Variants in GLIS3 observed in about 807,000 individuals in gnomAD.
GLIS3 encodes the protein GLIS family zinc finger 3.
In GLIS3, 53 loss-of-function variants were observed where a neutral mutation model predicts 78.6. The ratio of observed to expected loss-of-function variants is 0.67; its 90% CI spans 0.54 to 0.85. The LOEUF is 0.85. GLIS3 is among the 40% of genes least tolerant of loss of function. The pLI, the probability that GLIS3 is intolerant of heterozygous loss-of-function variation, is 0.00. For missense variants in GLIS3, 1,703 were observed against 1,231.1 expected (o/e 1.38, Z -5.74); for synonymous variants, 684 against 509.9 (o/e 1.34, Z -4.60).
intron 2 of GLIS3, among the ~76,000 whole-genome samples, chr9:4,155,409 T>C (rs1462170203): frequency 1.3e-5 from 2 of 152,244 alleles, no homozygotes; most frequent in East Asian, 1.9e-4. Flanking sequence ...GCTCGTGACC[T>C]GGCCGTGGCG....
At chr9:4,279,759 C>T (rs1314779995) in intron 2 of GLIS3, among the ~76,000 whole-genome samples, 1 of 151,818 alleles carries the variant, frequency 6.6e-6, no homozygotes, top group East Asian at 1.9e-4. Context: ...AATACTGATA[C>T]TAGTTTAAAA....
chr9:4,077,155 C>T (rs1349626909), intron 4 of GLIS3, among the ~76,000 whole-genome samples: 2 of 152,142 alleles, frequency 1.3e-5, no homozygotes, highest in Non-Finnish European at 2.9e-5. Flanking sequence ...TATTATTGAA[C>T]ATTTATGATT....
intron 2 of GLIS3, among the ~76,000 whole-genome samples, chr9:4,244,122 T>C (rs544223975): frequency 6.6e-6 from 1 of 152,338 alleles, no homozygotes; most frequent in Admixed American, 6.5e-5. Context: ...CCATAAATCC[T>C]TCAGGGCCAC....
At chr9:4,380,895 C>A in the GLIS3 span, among the ~76,000 whole-genome samples, 1 of 152,076 alleles carries the variant, frequency 6.6e-6, no homozygotes. Flanking sequence ...TAAGGTGGAT[C>A]CACAGGAGCT....
At chr9:4,273,589 T>TA (rs1826714495) in intron 2 of GLIS3, among the ~76,000 whole-genome samples, 1 of 100,106 alleles carries the variant, frequency 1.0e-5, no homozygotes, top group Non-Finnish European at 2.0e-5. Context: ...CAAGACCTTA[T>TA]CATAAATAAA....
chr9:4,224,212 C>T (rs1215826589), intron 2 of GLIS3, among the ~76,000 whole-genome samples: 1 of 152,170 alleles, frequency 6.6e-6, no homozygotes, highest in Non-Finnish European at 1.5e-5. Flanking sequence ...CTATAGGGCT[C>T]AGTTTCCTCA....
chr9:4,483,473 A>G, the GLIS3 span, among the ~76,000 whole-genome samples: 1 of 152,034 alleles, frequency 6.6e-6, no homozygotes, highest in Non-Finnish European at 1.5e-5. Flanking sequence ...TAATCTCAGC[A>G]CTTTGGGAGG....
intron 2 of GLIS3, among the ~76,000 whole-genome samples, chr9:4,344,773 T>TC (rs890287164): frequency 6.6e-6 from 1 of 152,130 alleles, no homozygotes; most frequent in African/African-American, 2.4e-5. Context: ...ACCACAATCT[T>TC]CCCCACTGCA....
intron 2 of GLIS3, among the ~76,000 whole-genome samples, chr9:4,326,710 T>G (rs1287521315): frequency 6.6e-6 from 1 of 152,158 alleles, no homozygotes; most frequent in Non-Finnish European, 1.5e-5. Context: ...TTTATATATT[T>G]TATCACAATA....
intron 4 of GLIS3, among the ~76,000 whole-genome samples, chr9:3,966,667 G>A (rs1161444824): frequency 1.3e-5 from 2 of 151,438 alleles, no homozygotes; most frequent in Non-Finnish European, 2.9e-5. Flanking sequence ...GGTGGCGCAC[G>A]CCTGCAATCC....
rs545215999 is a variant in GLIS3 at position 4,087,530 on chromosome 9, C to A, written c.1710+30238G>T. 2.0e-5 allele frequency among the ~76,000 whole-genome samples: 3 copies of A among 152,210 alleles called. No individual in the cohort carries two copies. The South Asian group carries it at 6.2e-4, about 32-fold the overall frequency. ...AATACCCCAACTAGAGTCTTTAGTG[C>A]CAGGGAACAGTTTGAAAACCCCATG... is the stretch of plus-strand genomic sequence containing the variant. On this transcript the variant is annotated intron_variant, in intron 4 of 10. Transcript: ENST00000381971.
chr9:3,861,670 C>G (rs1820223413), intron 8 of GLIS3, among the ~76,000 whole-genome samples: 1 of 152,142 alleles, frequency 6.6e-6, no homozygotes, highest in Non-Finnish European at 1.5e-5. Flanking sequence ...TTATCCTCAG[C>G]AAACTAATGC....
intron 2 of GLIS3, among the ~76,000 whole-genome samples, chr9:4,182,156 G>T (rs1030489243): frequency 6.6e-6 from 1 of 152,160 alleles, no homozygotes; most frequent in Non-Finnish European, 1.5e-5. Context: ...TTTGGGGTTT[G>T]TTAACGTTAT....
Position 4,091,651 on chromosome 9 carries a change from T to C in GLIS3, c.1710+26117A>G, listed in dbSNP as rs747753201. Reference sequence around the variant, plus strand: ...TTGTATAAACAGCAGAGTGTACGTATGGCGAGCATCCCCCTTCGCTCGACT... The same window carrying C: ...TTGTATAAACAGCAGAGTGTACGTACGGCGAGCATCCCCCTTCGCTCGACT... On this transcript the variant is annotated intron_variant, in intron 4 of 10. Transcript: ENST00000381971. Among the ~76,000 whole-genome samples, 111 of 152,158 alleles carry C rather than the reference T, an allele frequency of 7.3e-4. 1 individual carries two copies. Among genetic ancestry groups the C allele is most frequent in the African/African-American group, 2.5e-3 (103 of 41,420 alleles).
At chr9:4,139,825 G>C (rs572911826) in intron 2 of GLIS3, among the ~76,000 whole-genome samples, 48 of 152,276 alleles carry the variant, frequency 3.2e-4, no homozygotes, top group African/African-American at 1.1e-3. Context: ...TCCCACTGCT[G>C]ATCTGACACG....
intron 4 of GLIS3, among the ~76,000 whole-genome samples, chr9:3,978,349 T>C (rs1818952596): frequency 6.6e-6 from 1 of 152,172 alleles, no homozygotes; most frequent in Admixed American, 6.5e-5. Context: ...ACTATTACTA[T>C]ATTGGTATAT....
chr9:3,992,885 T>C (rs756968832), intron 4 of GLIS3, among the ~76,000 whole-genome samples: 8 of 152,186 alleles, frequency 5.3e-5, no homozygotes, highest in African/African-American at 2.4e-5. Context: ...ACATTTTCTT[T>C]AGTTTCGTTT....
At chr9:3,971,566 C>T (rs1432386519) in intron 4 of GLIS3, among the ~76,000 whole-genome samples, 1 of 152,132 alleles carries the variant, frequency 6.6e-6, no homozygotes, top group East Asian at 1.9e-4. Flanking sequence ...ACACAACTGA[C>T]ATGCAAGGGC....
At chr9:4,235,161 T>G (rs1390703127) in intron 2 of GLIS3, among the ~76,000 whole-genome samples, 1 of 151,826 alleles carries the variant, frequency 6.6e-6, no homozygotes, top group Non-Finnish European at 1.5e-5. Flanking sequence ...TCGCTGGGCG[T>G]GGTGGCACCT....
Sources: gnomAD v4.1 joint callset for allele counts (sites outside exome capture counted in the v4.1 genomes callset) on GRCh38, gnomAD v4.1.1 for gene constraint, MANE v1.5 for transcripts, NCBI Gene and HGNC (gene_info 2026-07-23, HGNC 2026-07-21) for gene names.